The following CDK7 variants were observed in gnomAD, a reference collection of about 807,000 sequenced individuals.
The protein encoded by CDK7 is cyclin dependent kinase 7.
Under a neutral mutation model 49.1 loss-of-function variants are expected in CDK7, and 25 were observed. The observed-to-expected ratio is 0.51, with a 90% CI of 0.37 to 0.71. The LOEUF (loss-of-function observed/expected upper bound fraction) is 0.71, where lower values mean the gene tolerates loss of function less well. Among genes scored for constraint, CDK7 ranks in the 30% least tolerant of loss-of-function variants. CDK7 has a pLI of 0.00. For missense variants in CDK7, 316 were observed against 411.7 expected (o/e 0.77, Z 2.01); for synonymous variants, 107 against 140.0 (o/e 0.76, Z 1.67).
At chr5:69,255,711 C>A in intron 5 of CDK7, 183 bp downstream of exon 5, 1 of 630,830 alleles carries the variant, frequency 1.6e-6, no homozygotes, top group Non-Finnish European at 2.9e-6. Context: ...TTAGTGATAT[C>A]CCCAGTGTTA....
intron 2 of CDK7, chr5:69,250,680 C>T: frequency 2.2e-6 from 1 of 456,260 alleles, no homozygotes; most frequent in South Asian, 1.5e-5. Flanking sequence ...CCCAGGGCAA[C>T]CAAGCTGGTC....
intron 10 of CDK7, among the ~76,000 whole-genome samples, chr5:69,275,671 A>C (rs1165276234): frequency 6.6e-6 from 1 of 152,200 alleles, no homozygotes; most frequent in Non-Finnish European, 1.5e-5. Context: ...CAAATTAAAA[A>C]TATTTTATAA....
At chr5:69,238,147 A>G (rs771149168) in intron 2 of CDK7, among the ~76,000 whole-genome samples, 9 of 152,218 alleles carry the variant, frequency 5.9e-5, no homozygotes, top group Non-Finnish European at 1.3e-4. Context: ...CCTTTTAAAA[A>G]GATTATGTGG....
At chr5:69,239,595 T>C (rs977954917) in intron 2 of CDK7, among the ~76,000 whole-genome samples, 3 of 152,202 alleles carry the variant, frequency 2.0e-5, no homozygotes, top group African/African-American at 7.2e-5. Flanking sequence ...TTCTGGATAT[T>C]GATCCTTTGT....
rs546794401 is a variant in CDK7 at position 69,258,429 on chromosome 5, G to C, written c.408+276G>C. Reference sequence around the variant, plus strand: ...GAATCTTGCTCTGTCACCCAGGCTGGAGTGCAGTGGCGCGATCTCTTGCTC... The same window carrying C: ...GAATCTTGCTCTGTCACCCAGGCTGCAGTGCAGTGGCGCGATCTCTTGCTC... On this transcript the variant is annotated intron_variant, in intron 6 of 11. Coordinates refer to ENST00000256443, the MANE Select transcript of CDK7 (RefSeq NM_001799.4). Among the ~76,000 whole-genome samples the C allele has an allele frequency of 5.4e-5, 8 of 147,810 alleles. No homozygotes were observed. The East Asian group carries it at 1.6e-3, about 30-fold the overall frequency.
At position 69,234,990 on chromosome 5, in the gene CDK7, G is replaced by A; in HGVS notation, c.15G>A (p.Val5=). MALD[V]KSRAKRYEKL... ...TACGGCGCCGGATGGCTCTGGACGT[G>A]AAGTCTCGGGCAAAGCGTTATGAGA... The change falls in exon 1 of 12, where the codon GTG becomes GTA. Residue 5 remains valine, a synonymous_variant. Transcript: ENST00000256443. 2 of 1,599,944 alleles carry A rather than the reference G, an allele frequency of 1.3e-6. No homozygotes were observed. Among genetic ancestry groups the A allele is most frequent in the South Asian group, 1.1e-5 (1 of 88,466 alleles).
At chr5:69,262,333 ATAT>A (rs767340439) in intron 8 of CDK7, 29 bp downstream of exon 8, 3 of 1,613,916 alleles carry the variant, frequency 1.9e-6, no homozygotes, top group Non-Finnish European at 8.5e-7. Context: ...ACGCACTTTA[ATAT>A]TGTTGTTGCA....
intron 2 of CDK7, among the ~76,000 whole-genome samples, chr5:69,238,473 G>T (rs1450875323): frequency 6.6e-6 from 1 of 151,596 alleles, no homozygotes; most frequent in Non-Finnish European, 1.5e-5. Flanking sequence ...TTCTTGTAGA[G>T]ACAGGGTCTC....
chr5:69,272,031 C>G (rs1265475537), intron 9 of CDK7, among the ~76,000 whole-genome samples: 2 of 151,644 alleles, frequency 1.3e-5, no homozygotes, highest in Non-Finnish European at 2.9e-5. Flanking sequence ...GCTCAAGTGA[C>G]CCTCCTGCCT....
In CDK7 at chr5:69,252,806, G is replaced by A. The variant is rs556622346; in HGVS notation, c.160+355G>A. On this transcript the variant is annotated intron_variant, in intron 3 of 11. Coordinates refer to ENST00000256443, the MANE Select transcript of CDK7 (RefSeq NM_001799.4). Reference sequence around the variant, plus strand: ...TTACAGGCTTGAGCCACCATGCCCAGCATAAAGTTTTCATTCTCACTGAAG... The same window carrying A: ...TTACAGGCTTGAGCCACCATGCCCAACATAAAGTTTTCATTCTCACTGAAG... 2.3e-3 allele frequency among the ~76,000 whole-genome samples: 353 copies of A among 152,210 alleles called. 2 individuals carry two copies. Among genetic ancestry groups the A allele is most frequent in the South Asian group, 6.0e-3 (29 of 4,824 alleles).
At chr5:69,254,104 A>T (rs997124156) in intron 3 of CDK7, among the ~76,000 whole-genome samples, 3 of 152,206 alleles carry the variant, frequency 2.0e-5, no homozygotes, top group African/African-American at 7.2e-5. Flanking sequence ...CATCTCAAAA[A>T]AAATAAATAA....
chr5:69,255,053 A>T (rs1750398458), intron 4 of CDK7, among the ~76,000 whole-genome samples: 2 of 152,170 alleles, frequency 1.3e-5, no homozygotes, highest in African/African-American at 4.8e-5. Context: ...AATTGAATAG[A>T]TGTAAAGTAT....
At chr5:69,269,172 C>A in intron 8 of CDK7, 35 bp from the exon 9 acceptor site, 4 of 1,360,098 alleles carry the variant, frequency 2.9e-6, no homozygotes, top group Non-Finnish European at 4.1e-6. Flanking sequence ...AAAAAAAAAC[C>A]CACCTTGAAA....
chr5:69,243,933 C>T (rs1336862864), intron 2 of CDK7, among the ~76,000 whole-genome samples: 7 of 137,776 alleles, frequency 5.1e-5, no homozygotes, highest in Admixed American at 1.7e-4. Flanking sequence ...CCCGGGTTTG[C>T]GCCATTCTCC....
intron 11 of CDK7, 82 bp downstream of exon 11, chr5:69,276,772 G>A: frequency 8.8e-7 from 1 of 1,136,806 alleles, no homozygotes; most frequent in Non-Finnish European, 1.3e-6. Flanking sequence ...CTGAACAACA[G>A]CAAAGAAATG....
At chr5:69,252,493 CCTT>C in intron 3 of CDK7, 42 bp downstream of exon 3, 10 of 429,940 alleles carry the variant, frequency 2.3e-5, no homozygotes, top group Admixed American at 6.3e-5. Flanking sequence ...AAAGTTTTCT[CCTT>C]TTTTTTTTTT....
At chr5:69,253,329 A>G (rs1282709677) in intron 3 of CDK7, among the ~76,000 whole-genome samples, 2 of 152,030 alleles carry the variant, frequency 1.3e-5, no homozygotes, top group African/African-American at 2.4e-5. Flanking sequence ...CAGTATCGCA[A>G]TCTCGGCTCA....
chr5:69,274,303 G>A (rs1402676745), intron 10 of CDK7, among the ~76,000 whole-genome samples: 1 of 152,248 alleles, frequency 6.6e-6, no homozygotes, highest in East Asian at 1.9e-4. Flanking sequence ...AGCCTAATTT[G>A]CATATAGAAC....
intron 3 of CDK7, among the ~76,000 whole-genome samples, chr5:69,253,149 G>A (rs552744089): frequency 1.3e-5 from 2 of 152,164 alleles, no homozygotes; most frequent in African/African-American, 4.8e-5. Flanking sequence ...AGATACATGA[G>A]GAAATTATTT....
Sources: gnomAD v4.1 joint callset for allele counts (sites outside exome capture counted in the v4.1 genomes callset) on GRCh38, gnomAD v4.1.1 for gene constraint, MANE v1.5 for transcripts, NCBI Gene and HGNC (gene_info 2026-07-23, HGNC 2026-07-21) for gene names.